ARAP2: variants seen among roughly 807,000 people sequenced by gnomAD.
The protein encoded by ARAP2 is arf-GAP with Rho-GAP domain, ANK repeat and PH domain-containing protein 2.
ARAP2 carries 148 observed loss-of-function variants against 194.5 expected under a neutral mutation model. The ratio of observed to expected loss-of-function variants is 0.76; its 90% confidence interval spans 0.67 to 0.87. ARAP2 has a LOEUF of 0.87. ARAP2 is among the 40% of genes least tolerant of loss of function. The pLI is 0.00. For missense variants in ARAP2, 2,128 were observed against 1,989.7 expected (o/e 1.07, Z -1.32); for synonymous variants, 695 against 683.5 (o/e 1.02, Z -0.26).
At chr4:36,010,468 A>G (rs2109307541) in intron 9 of ARAP2, among the ~76,000 whole-genome samples, 1 of 152,172 alleles carries the variant, frequency 6.6e-6, no homozygotes, top group South Asian at 2.1e-4. Context: ...CATTTTATGG[A>G]TGTGTCAAGT....
In ARAP2 at chr4:36,017,124, T is replaced by TATAC. The variant is rs767077755; in HGVS notation, n.751-1167_751-1166insGTAT. Among the ~76,000 whole-genome samples the TATAC allele has an allele frequency of 3.2e-4, 49 of 151,720 alleles. No individual in the cohort carries two copies. In the Middle Eastern group the frequency reaches 0.02, roughly 63 times the overall value. On this transcript the variant is annotated intron_variant and non_coding_transcript_variant, in intron 6 of 12. Coordinates refer to the ARAP2 transcript ENST00000503225. ...AGTTGAAAACTTAAATATATATATA[T>TATAC]ACACATAATTTTCATGAAACTCATA...
intron 2 of ARAP2, among the ~76,000 whole-genome samples, chr4:36,228,040 T>C (rs1750702489): frequency 6.6e-6 from 1 of 152,176 alleles, no homozygotes; most frequent in Non-Finnish European, 1.5e-5. Flanking sequence ...TCTGTCACCA[T>C]CTTTTTACAT....
At chr4:36,165,786 T>TG (rs1735154069) in intron 10 of ARAP2, among the ~76,000 whole-genome samples, 1 of 152,158 alleles carries the variant, frequency 6.6e-6, no homozygotes, top group African/African-American at 2.4e-5. Flanking sequence ...ACTGAGCCCC[T>TG]GCAATGTGCA....
intron 5 of ARAP2, among the ~76,000 whole-genome samples, chr4:36,045,369 A>G (rs1158041799): frequency 3.3e-5 from 5 of 152,206 alleles, no homozygotes; most frequent in African/African-American, 1.2e-4. Flanking sequence ...TTTAAAAAGG[A>G]GGAAATTTTG....
At chr4:36,239,278 A>T (rs1753050896) in intron 1 of ARAP2, among the ~76,000 whole-genome samples, 1 of 152,222 alleles carries the variant, frequency 6.6e-6, no homozygotes, top group African/African-American at 2.4e-5. Context: ...AAAAAAAAGA[A>T]GAGAAAGTAT....
chr4:36,174,317 C>T (rs1229549442), intron 9 of ARAP2, among the ~76,000 whole-genome samples: 1 of 152,068 alleles, frequency 6.6e-6, no homozygotes, highest in Non-Finnish European at 1.5e-5. Flanking sequence ...AGAAAATGTG[C>T]AAAAATTAAA....
At chr4:36,027,371 C>T (rs998878564) in intron 5 of ARAP2, among the ~76,000 whole-genome samples, 3 of 151,782 alleles carry the variant, frequency 2.0e-5, no homozygotes, top group African/African-American at 7.3e-5. Flanking sequence ...CCCATAGATT[C>T]CCCTCTGATT....
chr4:36,242,539 C>T (rs1753719123), intron 1 of ARAP2, among the ~76,000 whole-genome samples: 2 of 152,134 alleles, frequency 1.3e-5, no homozygotes, highest in Non-Finnish European at 2.9e-5. Context: ...TTTAAAACTT[C>T]ATAGTTTCAA....
At chr4:36,136,812 TGTGTGTGC>T (rs1265028275) in intron 19 of ARAP2, among the ~76,000 whole-genome samples, 260 of 130,514 alleles carry the variant, frequency 2.0e-3, no homozygotes, top group Admixed American at 6.3e-3. Context: ...TGTGTGTGTG[TGTGTGTGC>T]GTGTCTGTGT....
intron 1 of ARAP2, among the ~76,000 whole-genome samples, chr4:36,232,497 G>A (rs954400117): frequency 6.6e-6 from 1 of 152,198 alleles, no homozygotes; most frequent in Non-Finnish European, 1.5e-5. Flanking sequence ...TATTTCCTAT[G>A]AGACAGGCAT....
In ARAP2 at chr4:36,053,088, A is replaced by G. The variant is rs373918077; in HGVS notation, n.322-1035T>C. On this transcript the variant is annotated intron_variant and non_coding_transcript_variant, in intron 2 of 12. Transcript: ENST00000503225. The stretch of plus-strand genomic sequence containing the variant: ...AGTGGCGCGTTCTTGGCTCACTGCA[A>G]CCTCCGCCTCCCGGGTTCAAGCGAT... Among the ~76,000 whole-genome samples, 80 of 151,468 alleles carry G rather than the reference A, an allele frequency of 5.3e-4. No homozygotes were observed. The East Asian group carries it at 0.015, about 27-fold the overall frequency.
intron 8 of ARAP2, among the ~76,000 whole-genome samples, chr4:36,179,409 G>A (rs1738708072): frequency 6.6e-6 from 1 of 152,210 alleles, no homozygotes; most frequent in South Asian, 2.1e-4. Context: ...TTAGTTAACA[G>A]AACAACCTCA....
At chr4:36,064,462 C>T (rs944999179), downstream of ARAP2, among the ~76,000 whole-genome samples, 9 of 152,182 alleles carry the variant, frequency 5.9e-5, no homozygotes, top group African/African-American at 1.9e-4. Context: ...GAAGTGGGCT[C>T]CTGTCCCTGC....
intron 27 of ARAP2, among the ~76,000 whole-genome samples, chr4:36,092,493 G>A (rs370735286): frequency 2.8e-4 from 43 of 152,114 alleles, no homozygotes; most frequent in East Asian, 5.8e-4. Flanking sequence ...CCTGTAGTCC[G>A]AGCCACTGGA....
At chr4:36,089,073 G>A (rs1196223183) in intron 28 of ARAP2, among the ~76,000 whole-genome samples, 1 of 152,072 alleles carries the variant, frequency 6.6e-6, no homozygotes, top group Non-Finnish European at 1.5e-5. Context: ...CAAAACAGGA[G>A]AAAGAACATT....
At chr4:36,057,831 ATTTC>A (rs1396639624) in intron 2 of ARAP2, 1 of 148,984 alleles carries the variant, frequency 6.7e-6, no homozygotes, top group Non-Finnish European at 1.5e-5. Context: ...TCATTTGGGG[ATTTC>A]TTTCTATTGT....
chr4:36,096,416 C>T (rs1715337387), intron 27 of ARAP2, among the ~76,000 whole-genome samples: 1 of 149,922 alleles, frequency 6.7e-6, no homozygotes, highest in Non-Finnish European at 1.5e-5. Context: ...CCCAACAACC[C>T]TTAATCTGTT....
At chr4:36,148,540 G>A in intron 16 of ARAP2, 33 bp from the exon 17 acceptor site, 1 of 1,474,444 alleles carries the variant, frequency 6.8e-7, no homozygotes, top group Non-Finnish European at 9.4e-7. Flanking sequence ...GATACTACCA[G>A]TTATATTTAG....
At chr4:36,208,551 C>T (rs1157569166) in intron 6 of ARAP2, among the ~76,000 whole-genome samples, 2 of 152,156 alleles carry the variant, frequency 1.3e-5, no homozygotes, top group South Asian at 2.1e-4. Flanking sequence ...ATGAGTTAAA[C>T]GAAACTCAGC....
Sources: gnomAD v4.1 joint callset for allele counts (sites outside exome capture counted in the v4.1 genomes callset) on GRCh38, gnomAD v4.1.1 for gene constraint, MANE v1.5 for transcripts, NCBI Gene and HGNC (gene_info 2026-07-23, HGNC 2026-07-21) for gene names.